CORIN: variants seen among roughly 807,000 people sequenced by gnomAD.
CORIN encodes atrial natriuretic peptide-converting enzyme.
Under a neutral mutation model 125.3 loss-of-function variants are expected in CORIN, and 117 were observed. That is an observed-to-expected ratio of 0.93 (90% CI 0.80 to 1.09). The LOEUF is 1.09. CORIN is among the 50% of genes least tolerant of loss of function. CORIN has a pLI of 0.00. For missense variants in CORIN, 1,253 were observed against 1,306.7 expected, an observed-to-expected ratio of 0.96 and a Z score of 0.63; for synonymous variants, 450 against 466.4, an observed-to-expected ratio of 0.96 and a Z score of 0.45.
At chr4:47,667,688 G>A (rs1166395401) in intron 10 of CORIN, among the ~76,000 whole-genome samples, 1 of 152,110 alleles carries the variant, frequency 6.6e-6, no homozygotes, top group Non-Finnish European at 1.5e-5. Flanking sequence ...TGCATGAAGT[G>A]CAATATGACT....
intron 4 of CORIN, among the ~76,000 whole-genome samples, chr4:47,758,786 C>G (rs779443696): frequency 6.6e-5 from 10 of 152,154 alleles, no homozygotes; most frequent in African/African-American, 2.4e-4. Context: ...CATTTTGCTC[C>G]GCACTTCTCC....
At chr4:47,774,416 A>G (rs1200281954) in intron 3 of CORIN, among the ~76,000 whole-genome samples, 1 of 152,160 alleles carries the variant, frequency 6.6e-6, no homozygotes, top group Non-Finnish European at 1.5e-5. Flanking sequence ...GGAATTTGGT[A>G]TGATTTTTTC....
At chr4:47,786,621 G>C (rs1403216480) in intron 3 of CORIN, 104 bp downstream of exon 3, 3 of 815,818 alleles carry the variant, frequency 3.7e-6, no homozygotes, top group Non-Finnish European at 6.0e-6. Flanking sequence ...AGATTTTCCT[G>C]TGTGACCGGC....
At chr4:47,782,399 AAAAG>A (rs927609437) in intron 3 of CORIN, among the ~76,000 whole-genome samples, 431 of 151,886 alleles carry the variant, frequency 2.8e-3, no homozygotes, top group Non-Finnish European at 4.6e-3. Context: ...AAAAAAAAAA[AAAAG>A]AAAGAAAGAA....
intron 3 of CORIN, among the ~76,000 whole-genome samples, chr4:47,776,318 C>T (rs1299458020): frequency 1.3e-5 from 2 of 152,044 alleles, no homozygotes; most frequent in Non-Finnish European, 2.9e-5. Flanking sequence ...CAAGGTCTCA[C>T]TCTGTTGCCC....
intron 6 of CORIN, among the ~76,000 whole-genome samples, chr4:47,691,269 T>A (rs145577868): frequency 6.6e-6 from 1 of 152,186 alleles, no homozygotes; most frequent in East Asian, 1.9e-4. Context: ...AATGGGAGAA[T>A]AGCTAGAGAT....
intron 5 of CORIN, chr4:47,706,848 G>A: frequency 6.3e-7 from 1 of 1,598,572 alleles, no homozygotes; most frequent in South Asian, 1.1e-5. Flanking sequence ...CACAAGCACA[G>A]GGAGATGCGT....
rs763146479 is a variant in CORIN at position 47,603,628 on chromosome 4, T to C, written c.2581A>G (p.Asn861Asp). 6 of 1,614,102 alleles carry C rather than the reference T, an allele frequency of 3.7e-6. No individual in the cohort carries two copies. The East Asian group carries it at 1.3e-4, about 36-fold the overall frequency. Reference protein sequence around the residue: ...AAVWKVVLGINNLDHPSVFMQ... With the variant: ...AAVWKVVLGIDNLDHPSVFMQ... ...AACACTGATGGATGGTCTAGATTGT[T>C]GATGCCAAGCACCACTTTCCAAACT... The change falls in exon 20 of 22, where the codon AAC (asparagine) becomes GAC (aspartate). Residue 861 changes from asparagine to aspartate, a missense_variant. Coordinates refer to ENST00000273857, the MANE Select transcript of CORIN (RefSeq NM_006587.4).
chr4:47,777,802 T>C (rs1053597891), intron 3 of CORIN, among the ~76,000 whole-genome samples: 4 of 152,220 alleles, frequency 2.6e-5, no homozygotes, highest in Non-Finnish European at 4.4e-5. Flanking sequence ...CAGCTACAAG[T>C]GAAAAGGCAT....
chr4:47,807,097 G>T, intron 1 of CORIN, 50 bp from the exon 2 acceptor site: 1 of 1,485,174 alleles, frequency 6.7e-7, no homozygotes, highest in Non-Finnish European at 9.2e-7. Flanking sequence ...ACAATACATG[G>T]TATGAAATTT....
In CORIN at chr4:47,620,920, T is replaced by C. The variant is rs546717239; in HGVS notation, c.2540+2651A>G. ...CTAAGACAAAATAATAACAGGCAAATAGGCAAAAAATGAAATTGCATTTTT... is the reference window on the plus strand; with the variant it reads ...CTAAGACAAAATAATAACAGGCAAACAGGCAAAAAATGAAATTGCATTTTT... On this transcript the variant is annotated intron_variant, in intron 19 of 21. Transcript: ENST00000273857. 5.8e-4 allele frequency among the ~76,000 whole-genome samples: 88 copies of C among 152,264 alleles called. 1 individual carries two copies. Among genetic ancestry groups the C allele is most frequent in the Admixed American group, 1.6e-3 (25 of 15,296 alleles).
At chr4:47,637,241 A>C (rs539773593) in intron 16 of CORIN, among the ~76,000 whole-genome samples, 29 of 152,334 alleles carry the variant, frequency 1.9e-4, no homozygotes, top group Non-Finnish European at 1.3e-4. Context: ...GGTGCTGTTA[A>C]AGGCATTCAT....
intron 5 of CORIN, among the ~76,000 whole-genome samples, chr4:47,728,046 G>T (rs1403917180): frequency 6.6e-6 from 1 of 152,132 alleles, no homozygotes; most frequent in African/African-American, 2.4e-5. Context: ...TAAACATATG[G>T]ATAGAGCAGG....
At chr4:47,645,515 A>G (rs1339144480) in intron 13 of CORIN, among the ~76,000 whole-genome samples, 2 of 152,070 alleles carry the variant, frequency 1.3e-5, no homozygotes, top group Non-Finnish European at 2.9e-5. Context: ...TACCATGAAT[A>G]ATATAATTTT....
intron 6 of CORIN, among the ~76,000 whole-genome samples, chr4:47,692,628 T>C (rs1012396199): frequency 1.3e-5 from 2 of 151,884 alleles, no homozygotes; most frequent in East Asian, 1.9e-4. Flanking sequence ...AATGTTGCTA[T>C]AAAAATGTCC....
intron 2 of CORIN, among the ~76,000 whole-genome samples, chr4:47,789,145 C>CAAAA (rs1344212069): frequency 0.011 from 1,659 of 151,958 alleles, 44 homozygotes; most frequent in African/African-American, 0.037. Context: ...ACTAAAAATA[C>CAAAA]AAAATAAAAT....
intron 2 of CORIN, among the ~76,000 whole-genome samples, chr4:47,789,806 G>T (rs1420296652): frequency 1.3e-5 from 2 of 152,016 alleles, no homozygotes; most frequent in Non-Finnish European, 2.9e-5. Flanking sequence ...GCATCATGAG[G>T]TCAGGAAATA....
chr4:47,768,413 T>C (rs183263902), intron 3 of CORIN, among the ~76,000 whole-genome samples: 2 of 152,294 alleles, frequency 1.3e-5, no homozygotes, highest in East Asian at 3.9e-4. Context: ...AGAACTAATA[T>C]CAATTCCTCT....
At chr4:47,725,630 A>G (rs1299444918) in intron 5 of CORIN, among the ~76,000 whole-genome samples, 1 of 152,154 alleles carries the variant, frequency 6.6e-6, no homozygotes, top group African/African-American at 2.4e-5. Flanking sequence ...AAGTAACTCA[A>G]TGCAGGTCAT....
Sources: allele counts gnomAD v4.1 joint callset (sites outside exome capture counted in the v4.1 genomes callset), GRCh38; gene constraint gnomAD v4.1.1; transcripts MANE v1.5; gene names NCBI Gene and HGNC (gene_info 2026-07-23, HGNC 2026-07-21).